The following NFKBIZ variants were observed in gnomAD, a reference collection of about 807,000 sequenced individuals.
The protein encoded by NFKBIZ is NFKB inhibitor zeta, also known as NF-kappa-B inhibitor zeta.
In NFKBIZ, 19 loss-of-function variants were observed where a neutral mutation model predicts 76.8. The ratio of observed to expected loss-of-function variants is 0.25; its 90% CI spans 0.17 to 0.36. The LOEUF is 0.36. Among genes scored for constraint, NFKBIZ ranks in the 10% least tolerant of loss-of-function variants. NFKBIZ has a pLI of 1.00. For missense variants in NFKBIZ, 829 were observed against 910.9 expected (o/e 0.91, Z 1.16); for synonymous variants, 368 against 354.8 (o/e 1.04, Z -0.42).
intron 8 of NFKBIZ, 115 bp downstream of exon 8, chr3:101,855,573 A>C: frequency 7.9e-7 from 1 of 1,272,732 alleles, no homozygotes; most frequent in Non-Finnish European, 1.1e-6. Flanking sequence ...CTGTAGGTAA[A>C]ATTAGACCCA....
rs1308573472 is a variant in NFKBIZ at position 101,860,217 on chromosome 3, T to TGGCGCCCA, written c.*850_*857dup. The TGGCGCCCA allele has an allele frequency of 6.6e-6, 1 of 151,804 alleles. No homozygotes were observed. The highest frequency in any genetic ancestry group is 1.5e-5 in the Non-Finnish European group (1 of 67,936). 9.4% of individuals were successfully genotyped at this position (151,804 alleles called of 1,614,324 possible). On this transcript the variant is annotated 3_prime_UTR_variant, in exon 12 of 12. Transcript: ENST00000326172. Reference sequence around the variant, plus strand: ...TTTCTCCCGAGACAGGGTCTTGCTCTGGCGCCCAGGCTGGAGTACAGTGGC... The same window carrying TGGCGCCCA: ...TTTCTCCCGAGACAGGGTCTTGCTCTGGCGCCCAGGCGCCCAGGCTGGAGTACAGTGGC...
upstream of NFKBIZ, among the ~76,000 whole-genome samples, chr3:101,845,665 T>C (rs1378582653): frequency 1.3e-5 from 2 of 152,210 alleles, no homozygotes; most frequent in African/African-American, 2.4e-5. Flanking sequence ...ACAATGTTAA[T>C]TGACACCATA....
Position 101,853,711 on chromosome 3 carries a change from A to G in NFKBIZ, c.1185A>G (p.Ser395=). The G allele has an allele frequency of 6.2e-7, 1 of 1,614,258 alleles. No individual in the cohort carries two copies. The highest frequency in any genetic ancestry group is 8.5e-7 in the Non-Finnish European group (1 of 1,180,050). ...MVGHEMASDS[S]NTSLPFSNMG... ...GGCACGAGATGGCCTCTGACTCTTC[A>G]AACACTTCACTGCCATTCTCAAACA... is the stretch of plus-strand genomic sequence containing the variant. Residue 395 remains serine (S), a synonymous_variant, in exon 5 of 12, where the codon TCA becomes TCG. Coordinates refer to ENST00000326172, the MANE Select transcript of NFKBIZ (RefSeq NM_031419.4).
At chr3:101,851,978 T>C in intron 1 of NFKBIZ, 107 bp from the exon 2 acceptor site, 3 of 1,362,598 alleles carry the variant, frequency 2.2e-6, no homozygotes, top group Non-Finnish European at 3.0e-6. Context: ...TGCAATGTGC[T>C]GCTTGGGGAC....
chr3:101,851,781 T>C (rs969173687), intron 1 of NFKBIZ, among the ~76,000 whole-genome samples: 1 of 152,190 alleles, frequency 6.6e-6, no homozygotes, highest in African/African-American at 2.4e-5. Flanking sequence ...CATGGGTGGT[T>C]AGAGCTGAGA....
At chr3:101,855,360 T>C (rs753515833) in intron 7 of NFKBIZ, 35 bp from the exon 8 acceptor site, 2 of 1,612,678 alleles carry the variant, frequency 1.2e-6, no homozygotes, top group East Asian at 4.5e-5. Flanking sequence ...GCGCAGCTTA[T>C]GTAGCTAACA....
chr3:101,837,776 T>C (rs972264706), intron 2 of NFKBIZ, among the ~76,000 whole-genome samples: 1 of 152,140 alleles, frequency 6.6e-6, no homozygotes, highest in African/African-American at 2.4e-5. Context: ...TGGAATGATG[T>C]AGGCTGATGG....
chr3:101,852,463 A>G (rs1942978847), intron 2 of NFKBIZ, among the ~76,000 whole-genome samples: 1 of 152,246 alleles, frequency 6.6e-6, no homozygotes, highest in Non-Finnish European at 1.5e-5. Flanking sequence ...AGGCAAGTTC[A>G]GAGGCTCAAC....
In NFKBIZ at chr3:101,857,119, C is replaced by T. The variant is rs1332773313; in HGVS notation, c.1871C>T (p.Ala624Val). ...GCCCTGCATTTGGCAGCTGAAGAAG[C>T]AAATCTGGAACTCATTCGCCTCTTT... is the stretch of plus-strand genomic sequence containing the variant. ...RTALHLAAEE[A>V]NLELIRLFLE... The change falls in exon 10 of 12, where the codon GCA becomes GTA. Residue 624 changes from alanine to valine, a missense_variant. Coordinates refer to ENST00000326172, the MANE Select transcript of NFKBIZ (RefSeq NM_031419.4). 1 of 1,613,672 alleles carries T rather than the reference C, an allele frequency of 6.2e-7. No individual in the cohort carries two copies. Among genetic ancestry groups the T allele is most frequent in the Non-Finnish European group, 8.5e-7 (1 of 1,179,956 alleles).
At chr3:101,854,515 TTC>T in intron 5 of NFKBIZ, 61 bp from the exon 6 acceptor site, 3 of 1,044,926 alleles carry the variant, frequency 2.9e-6, no homozygotes, top group Non-Finnish European at 4.3e-6. Flanking sequence ...TTTTTTTTTT[TTC>T]AAAAGAACAA....
chr3:101,834,354 T>G (rs1942686755), intron 2 of NFKBIZ, among the ~76,000 whole-genome samples: 1 of 151,582 alleles, frequency 6.6e-6, no homozygotes. Context: ...TTCCTTCCTT[T>G]CCCTTTTCCT....
chr3:101,852,948 C>A lies in NFKBIZ; in HGVS notation c.523C>A (p.Pro175Thr), dbSNP rs1277017860. 2.5e-6 allele frequency: 4 copies of A among 1,614,144 alleles called. No individual in the cohort carries two copies. Among genetic ancestry groups the A allele is most frequent in the South Asian group, 1.1e-5 (1 of 91,072 alleles). ...AGGGCCCGATTCGTTGTCTGATGGA[C>A]CTGCTTGCAAAAGGCCAGCTCTGTT... ...RKGPDSLSDG[P>T]ACKRPALLHS... The change falls in exon 4 of 12, where the codon CCT becomes ACT. Residue 175 changes from proline to threonine, a missense_variant. Around this residue, in one of 4 missense-constraint regions of NFKBIZ, gnomAD observed 371 missense variants for 332.3 expected, o/e 1.12. Coordinates refer to ENST00000326172, the MANE Select transcript of NFKBIZ (RefSeq NM_031419.4).
chr3:101,859,514 GGGTT>G lies in NFKBIZ; in HGVS notation c.*144_*147del. 2.0e-6 allele frequency: 1 copy of G among 506,120 alleles called. No homozygotes were observed. The highest frequency in any genetic ancestry group is 3.5e-6 in the Non-Finnish European group (1 of 283,416). The allele number at this position is 506,120 out of a possible 1,614,324, so 31.4% of individuals were successfully genotyped here. ...CATATTTAGTTCACTATTATATAGT[GGGTT>G]ATATTAAAAGAAAAGAAGAAAAATA... On this transcript the variant is annotated 3_prime_UTR_variant, in exon 12 of 12. Coordinates refer to ENST00000326172, the MANE Select transcript of NFKBIZ (RefSeq NM_031419.4).
chr3:101,837,504 A>AAG (rs1942736885), intron 2 of NFKBIZ, among the ~76,000 whole-genome samples: 1 of 151,650 alleles, frequency 6.6e-6, no homozygotes, highest in African/African-American at 2.4e-5. Flanking sequence ...AAAAAAAAAA[A>AAG]AAAAGAAAAG....
chr3:101,857,033 A>AT (rs75713821), intron 9 of NFKBIZ, 40 bp from the exon 10 acceptor site: 46,755 of 1,080,594 alleles, frequency 0.043, 169 homozygotes, highest in Non-Finnish European at 0.051. Flanking sequence ...TAGTATCTGG[A>AT]TTTTTTTTTT....
chr3:101,830,869 A>G (rs764262390), intron 2 of NFKBIZ, among the ~76,000 whole-genome samples: 14 of 152,252 alleles, frequency 9.2e-5, no homozygotes, highest in Non-Finnish European at 1.9e-4. Flanking sequence ...TTAAACAATA[A>G]TCACAATGCT....
intron 2 of NFKBIZ, among the ~76,000 whole-genome samples, chr3:101,834,247 G>A (rs926782100): frequency 2.0e-5 from 3 of 151,908 alleles, no homozygotes; most frequent in African/African-American, 7.3e-5. Flanking sequence ...TTATCCTCAA[G>A]GCCTTGGAGT....
At chr3:101,841,191 G>C (rs375498664) in intron 2 of NFKBIZ, among the ~76,000 whole-genome samples, 25 of 152,164 alleles carry the variant, frequency 1.6e-4, no homozygotes, top group African/African-American at 4.1e-4. Context: ...AGGACCTAGA[G>C]AATTACTTTT....
chr3:101,858,032 TATTATC>T (rs1240949814), intron 11 of NFKBIZ: 14 of 849,176 alleles, frequency 1.6e-5, no homozygotes, highest in Non-Finnish European at 2.0e-5. Context: ...TATGGTTATA[TATTATC>T]ATTGAGTATT....
Sources: allele counts gnomAD v4.1 joint callset (sites outside exome capture counted in the v4.1 genomes callset), GRCh38; gene constraint gnomAD v4.1.1; regional missense constraint gnomAD v4.1.1; transcripts MANE v1.5; gene names NCBI Gene and HGNC (gene_info 2026-07-23, HGNC 2026-07-21).